ADAMTS6: variants seen among roughly 807,000 people sequenced by gnomAD.
ADAMTS6 encodes ADAM metallopeptidase with thrombospondin type 1 motif 6.
A neutral mutation model predicts 144.3 loss-of-function variants in ADAMTS6; 23 were observed. That is an observed-to-expected ratio of 0.16 (90% CI 0.11 to 0.23). The LOEUF (loss-of-function observed/expected upper bound fraction) is 0.23. Ranked by LOEUF, ADAMTS6 falls within the 10% of genes least tolerant of loss-of-function variation. The pLI, the probability that ADAMTS6 is intolerant of heterozygous loss-of-function variation, is 1.00. For synonymous variants in ADAMTS6, 444 were observed against 457.5 expected (o/e 0.97, Z 0.38); for missense variants, 999 against 1,379.6 (o/e 0.72, Z 4.37).
chr5:65,415,849 T>C, intron 7 of ADAMTS6: 1 of 225,560 alleles, frequency 4.4e-6, no homozygotes, highest in Middle Eastern at 1.6e-3. Context: ...CACAGGCTAC[T>C]GGGGGAACAA....
intron 4 of ADAMTS6, among the ~76,000 whole-genome samples, chr5:65,457,713 G>GAA (rs757350447): frequency 8.6e-4 from 127 of 147,988 alleles, no homozygotes; most frequent in Non-Finnish European, 1.6e-3. Flanking sequence ...ATAAACAACT[G>GAA]AATATTTGAA....
intron 7 of ADAMTS6, among the ~76,000 whole-genome samples, chr5:65,405,156 C>G (rs1271723821): frequency 1.3e-5 from 2 of 152,254 alleles, no homozygotes; most frequent in South Asian, 2.1e-4. Flanking sequence ...TTAATTAGAT[C>G]CCAATTGTCA....
rs191163488 is a variant in ADAMTS6, at chr5:65,340,116, C to A, written c.1074-6031G>T. Among the ~76,000 whole-genome samples the A allele has an allele frequency of 8.7e-4, 132 of 151,858 alleles. 1 individual carries two copies. Among genetic ancestry groups the A allele is most frequent in the South Asian group, 6.2e-4 (3 of 4,820 alleles). On this transcript the variant is annotated intron_variant, in intron 7 of 24. Coordinates refer to ENST00000381055, the MANE Select transcript of ADAMTS6 (RefSeq NM_197941.4). ...AAGTCAAAGCAAAGAATTTTAAAAG[C>A]AATGAGAGAAAAGTGTCAAGTCATA... is the stretch of plus-strand genomic sequence containing the variant.
chr5:65,161,222 G>T (rs1325924898), intron 24 of ADAMTS6, among the ~76,000 whole-genome samples: 1 of 150,378 alleles, frequency 6.6e-6, no homozygotes, highest in Non-Finnish European at 1.5e-5. Flanking sequence ...ATTTTTTGTA[G>T]AGAAGGTGTC....
intron 18 of ADAMTS6, among the ~76,000 whole-genome samples, chr5:65,221,886 T>C (rs2112372103): frequency 6.6e-6 from 1 of 152,244 alleles, no homozygotes; most frequent in Admixed American, 6.5e-5. Context: ...CAATAATATT[T>C]ACAATAGCAC....
intron 9 of ADAMTS6, among the ~76,000 whole-genome samples, chr5:65,319,298 C>G (rs1259468737): frequency 6.6e-6 from 1 of 151,944 alleles, no homozygotes; most frequent in Non-Finnish European, 1.5e-5. Context: ...TCAAACTTCT[C>G]TCTTAAAAAC....
intron 9 of ADAMTS6, among the ~76,000 whole-genome samples, chr5:65,323,630 C>T (rs1417137924): frequency 2.0e-5 from 3 of 152,160 alleles, no homozygotes; most frequent in East Asian, 3.9e-4. Flanking sequence ...TGGGTATATA[C>T]CCAGTAATGG....
chr5:65,350,632 T>A (rs1041162177), intron 7 of ADAMTS6, among the ~76,000 whole-genome samples: 1 of 152,150 alleles, frequency 6.6e-6, no homozygotes, highest in Non-Finnish European at 1.5e-5. Flanking sequence ...TACTTTACTA[T>A]TAAGGGAGTT....
At chr5:65,159,429 T>A (rs966908693) in intron 24 of ADAMTS6, among the ~76,000 whole-genome samples, 2 of 152,174 alleles carry the variant, frequency 1.3e-5, no homozygotes, top group Non-Finnish European at 2.9e-5. Context: ...TGTAGCCTCA[T>A]CTGCACTGCC....
At chr5:65,288,114 T>C (rs1016724598) in intron 11 of ADAMTS6, among the ~76,000 whole-genome samples, 39 of 152,096 alleles carry the variant, frequency 2.6e-4, no homozygotes, top group African/African-American at 9.4e-4. Context: ...TTCATGTAAA[T>C]TTCCAAACAT....
At chr5:65,182,273 C>A (rs1754407083) in intron 22 of ADAMTS6, among the ~76,000 whole-genome samples, 1 of 151,590 alleles carries the variant, frequency 6.6e-6, no homozygotes, top group Admixed American at 6.6e-5. Flanking sequence ...ATAGCAAAAC[C>A]CTGTCTCTAC....
At chr5:65,170,347 G>T (rs1163321483) in intron 24 of ADAMTS6, among the ~76,000 whole-genome samples, 2 of 152,122 alleles carry the variant, frequency 1.3e-5, no homozygotes, top group Admixed American at 6.6e-5. Context: ...TACAAGGCTG[G>T]ATATGATCTT....
intron 14 of ADAMTS6, among the ~76,000 whole-genome samples, chr5:65,242,771 G>A (rs1398394999): frequency 6.6e-6 from 1 of 152,058 alleles, no homozygotes; most frequent in African/African-American, 2.4e-5. Flanking sequence ...AAATTAAAGG[G>A]ATTTGGACTT....
chr5:65,322,071 A>G (rs1390313095), intron 9 of ADAMTS6, among the ~76,000 whole-genome samples: 1 of 152,108 alleles, frequency 6.6e-6, no homozygotes, highest in Non-Finnish European at 1.5e-5. Context: ...GTCCAGTTTC[A>G]ATCTTCTACA....
chr5:65,183,002 C>T (rs1293682840), intron 22 of ADAMTS6, among the ~76,000 whole-genome samples: 13 of 152,174 alleles, frequency 8.5e-5, no homozygotes, highest in Non-Finnish European at 2.9e-5. Flanking sequence ...AGAGTCTCAA[C>T]TCTGTTCTCT....
chr5:65,269,790 CT>C (rs897216515), intron 12 of ADAMTS6, among the ~76,000 whole-genome samples: 2,341 of 133,176 alleles, frequency 0.018, 36 homozygotes, highest in African/African-American at 0.05. Flanking sequence ...AGTGTAAGTA[CT>C]TTTTTTTTTT....
Position 65,402,692 on chromosome 5 carries a change from A to AC in ADAMTS6, c.1073+48782dup, listed in dbSNP as rs34691301. Among the ~76,000 whole-genome samples, 790 of 149,324 alleles carry AC rather than the reference A, an allele frequency of 5.3e-3. 12 individuals are homozygous for AC. In the East Asian group the frequency reaches 0.061, roughly 12 times the overall value. Reference sequence around the variant, plus strand: ...AATGTCCAGGCTCCTATCCAAGGACACCCCCCCCCATATTTGGCGCTGGAT... The same window carrying AC: ...AATGTCCAGGCTCCTATCCAAGGACACCCCCCCCCCATATTTGGCGCTGGAT... On this transcript the variant is annotated intron_variant, in intron 7 of 24. Transcript: ENST00000381055.
At chr5:65,434,456 G>A (rs898192878) in intron 7 of ADAMTS6, among the ~76,000 whole-genome samples, 1 of 152,132 alleles carries the variant, frequency 6.6e-6, no homozygotes, top group Non-Finnish European at 1.5e-5. Flanking sequence ...TGTGTAAATT[G>A]TATGGTGTAT....
At chr5:65,296,382 TAACTG>T (rs1742841039) in intron 10 of ADAMTS6, among the ~76,000 whole-genome samples, 2 of 152,186 alleles carry the variant, frequency 1.3e-5, no homozygotes, top group African/African-American at 4.8e-5. Flanking sequence ...ACCCTTAATA[TAACTG>T]AGCTTGAAGC....
Sources: allele counts gnomAD v4.1 joint callset (sites outside exome capture counted in the v4.1 genomes callset), GRCh38; gene constraint gnomAD v4.1.1; transcripts MANE v1.5; gene names NCBI Gene and HGNC (gene_info 2026-07-23, HGNC 2026-07-21).